ZC3HAV1L: variants seen among roughly 807,000 people sequenced by gnomAD.
ZC3HAV1L encodes ZC3HAV1 like, also known as zinc finger CCCH-type antiviral protein 1-like.
In ZC3HAV1L, 23 loss-of-function variants were observed where a neutral mutation model predicts 28.2. That is an observed-to-expected ratio of 0.82 (90% CI 0.59 to 1.16). The LOEUF is 1.16. Among genes scored for constraint, ZC3HAV1L ranks in the 50% most tolerant of loss-of-function variants. The pLI is 0.00. For synonymous variants in ZC3HAV1L, 180 were observed against 163.4 expected, an observed-to-expected ratio of 1.10 and a Z score of -0.78; for missense variants, 376 against 387.7, an observed-to-expected ratio of 0.97 and a Z score of 0.25.
Position 139,026,847 on chromosome 7 carries a change from AG to A in ZC3HAV1L, c.761-15del, listed in dbSNP as rs774728679. On this transcript the variant is annotated splice_polypyrimidine_tract_variant and intron_variant, in intron 3 of 4. Coordinates refer to ENST00000275766, the MANE Select transcript of ZC3HAV1L (RefSeq NM_080660.4). ...GTGATGAATTATCTACAAAGAGGAA[AG>A]GGATAAGTTTTCCTACGATACCCCA... is the stretch of plus-strand genomic sequence containing the variant. The A allele has an allele frequency of 1.9e-6, 3 of 1,598,324 alleles. No homozygotes were observed. The South Asian group carries it at 3.4e-5, about 18-fold the overall frequency.
At position 139,035,499 on chromosome 7, in the gene ZC3HAV1L, G is replaced by A. The variant is rs557031137; in HGVS notation, c.365+154C>T. The A allele has an allele frequency of 1.2e-3, 1,167 of 985,404 alleles. 12 individuals are homozygous for A. In the African/African-American group the frequency reaches 0.019, roughly 16 times the overall value. 61.0% of individuals were successfully genotyped at this position (985,404 alleles called of 1,614,324 possible). A position where few individuals can be genotyped will look rare whatever the true frequency, so the allele number is the denominator to read the frequency against. On this transcript the variant is annotated intron_variant, in intron 1 of 4. Transcript: ENST00000275766. ...CCCAGCTGCTGGAAGCGCGGGGGAG[G>A]ACGCCCAGGAAAGGCCTGCGGGAGG...
intron 2 of ZC3HAV1L, 122 bp downstream of exon 2, chr7:139,034,421 A>G (rs917504390): frequency 1.4e-6 from 2 of 1,443,768 alleles, no homozygotes; most frequent in Non-Finnish European, 1.9e-6. Context: ...CCTTTAAAGC[A>G]TTTGAAACTG....
At chr7:139,034,448 AG>A (rs10713373) in intron 2 of ZC3HAV1L, 94 bp downstream of exon 2, 824,480 of 1,525,794 alleles carry the variant, frequency 0.54, 227,642 homozygotes, top group African/African-American at 0.77. Context: ...GTTGCTTCGA[AG>A]GCAATTAAAA....
rs958790340 is a variant in ZC3HAV1L, at chr7:139,035,569, C to A, written c.365+84G>T. 78 of 1,341,428 alleles carry A rather than the reference C, an allele frequency of 5.8e-5. No homozygotes were observed. In the African/African-American group the frequency reaches 1.2e-3, roughly 21 times the overall value. The allele number at this position is 1,341,428 out of a possible 1,614,324, so 83.1% of individuals were successfully genotyped here. A position where few individuals can be genotyped will look rare whatever the true frequency, so the allele number is the denominator to read the frequency against. On this transcript the variant is annotated intron_variant, in intron 1 of 4. Coordinates refer to ENST00000275766, the MANE Select transcript of ZC3HAV1L (RefSeq NM_080660.4). The stretch of plus-strand genomic sequence containing the variant: ...CCCCGGCCCGGGGCAGGACGAAGCC[C>A]CCCTTCCCGTCGCTCCCGCTTCCAG...
rs978757903 is a variant in ZC3HAV1L at position 139,027,997 on chromosome 7, T to A, written c.760+705A>T. ...TTAACAAAGCCAAAAATTATATTTA[T>A]GACAAGAAAGCCATCCCTACATTAA... On this transcript the variant is annotated intron_variant, in intron 3 of 4. Coordinates refer to ENST00000275766, the MANE Select transcript of ZC3HAV1L (RefSeq NM_080660.4). Among the ~76,000 whole-genome samples the A allele has an allele frequency of 3.3e-5, 5 of 152,144 alleles. No individual in the cohort carries two copies. The East Asian group carries it at 9.6e-4, about 29-fold the overall frequency.
intron 2 of ZC3HAV1L, among the ~76,000 whole-genome samples, chr7:139,033,413 TGA>T (rs930198122): frequency 6.6e-6 from 1 of 152,192 alleles, no homozygotes; most frequent in African/African-American, 2.4e-5. Flanking sequence ...TCTTTTTTAT[TGA>T]GAGAGTGGTA....
chr7:139,029,052 G>T, intron 2 of ZC3HAV1L, 92 bp from the exon 3 acceptor site: 7 of 1,420,670 alleles, frequency 4.9e-6, no homozygotes, highest in Non-Finnish European at 6.6e-6. Context: ...ACCCAGGCTG[G>T]AGTACAGTGG....
intron 2 of ZC3HAV1L, among the ~76,000 whole-genome samples, chr7:139,031,323 G>A (rs1815525270): frequency 6.6e-6 from 1 of 152,170 alleles, no homozygotes; most frequent in African/African-American, 2.4e-5. Flanking sequence ...AGTGGCTCAT[G>A]CCTGTAATCC....
chr7:139,028,266 G>A lies in ZC3HAV1L; in HGVS notation c.760+436C>T, dbSNP rs543605289. Among the ~76,000 whole-genome samples the A allele has an allele frequency of 2.0e-4, 30 of 151,976 alleles. 1 individual carries two copies. The South Asian group carries it at 5.0e-3, about 25-fold the overall frequency. Reference sequence around the variant, plus strand: ...CGCATGCCTGTAGTCTCAGCTACTCGGGAGGCTGAGGCAGAAGAATCGCTT... The same window carrying A: ...CGCATGCCTGTAGTCTCAGCTACTCAGGAGGCTGAGGCAGAAGAATCGCTT... On this transcript the variant is annotated intron_variant, in intron 3 of 4. Transcript: ENST00000275766.
In ZC3HAV1L at chr7:139,028,949, G is replaced by C. The variant is rs1394266878; in HGVS notation, c.513C>G (p.Leu171=). The change falls in exon 3 of 5, where the codon CTC becomes CTG. Residue 171 remains leucine (L), a synonymous_variant. Transcript: ENST00000275766. Reference sequence around the variant, plus strand: ...CATACAGGGCTTCCCCTTTGTTGTAGAGCAAACAGACCTGGTACAGAAATG... The same window carrying C: ...CATACAGGGCTTCCCCTTTGTTGTACAGCAAACAGACCTGGTACAGAAATG... ...DPCLLPEVCL[L]YNKGEALYGY... is the part of the protein sequence containing the mutation. 6.2e-7 allele frequency: 1 copy of C among 1,613,536 alleles called. No homozygotes were observed. Among genetic ancestry groups the C allele is most frequent in the South Asian group, 1.1e-5 (1 of 91,036 alleles).
At chr7:139,028,078 T>C (rs1815407302) in intron 3 of ZC3HAV1L, among the ~76,000 whole-genome samples, 1 of 152,062 alleles carries the variant, frequency 6.6e-6, no homozygotes, top group African/African-American at 2.4e-5. Flanking sequence ...ACTATGCCAT[T>C]AAAACTGTTC....
chr7:139,033,355 A>G (rs1360401450), intron 2 of ZC3HAV1L, among the ~76,000 whole-genome samples: 1 of 152,212 alleles, frequency 6.6e-6, no homozygotes, highest in Non-Finnish European at 1.5e-5. Context: ...GTATTTTTCT[A>G]GAAATTTGTC....
At position 139,026,843 on chromosome 7, in the gene ZC3HAV1L, G is replaced by A; in HGVS notation, c.761-10C>T. On this transcript the variant is annotated splice_polypyrimidine_tract_variant and intron_variant, in intron 3 of 4. Coordinates refer to ENST00000275766, the MANE Select transcript of ZC3HAV1L (RefSeq NM_080660.4). ...GAAGGTGATGAATTATCTACAAAGA[G>A]GAAAGGGATAAGTTTTCCTACGATA... 1 of 1,603,050 alleles carries A rather than the reference G, an allele frequency of 6.2e-7. No individual in the cohort carries two copies.
downstream of ZC3HAV1L, among the ~76,000 whole-genome samples, chr7:139,024,923 C>G (rs1376871925): frequency 6.6e-6 from 1 of 152,076 alleles, no homozygotes; most frequent in Non-Finnish European, 1.5e-5. Context: ...TTGTGGTACC[C>G]CTTGATGAAA....
chr7:139,034,996 A>AACGTT lies in ZC3HAV1L; in HGVS notation c.366-323_366-319dup, dbSNP rs999066934. 20 of 985,304 alleles carry AACGTT rather than the reference A, an allele frequency of 2.0e-5. No homozygotes were observed. The Admixed American group carries it at 1.0e-3, about 52-fold the overall frequency. 61.0% of individuals were successfully genotyped at this position (985,304 alleles called of 1,614,324 possible). A position where few individuals can be genotyped will look rare whatever the true frequency, so the allele number is the denominator to read the frequency against. ...CCGGCAACAGCTGCCACAGTCCACC[A>AACGTT]ACGTTAAAAAGAAAGCGCCCCTATC... is the stretch of plus-strand genomic sequence containing the variant. On this transcript the variant is annotated intron_variant, in intron 1 of 4. Transcript: ENST00000275766.
intron 2 of ZC3HAV1L, among the ~76,000 whole-genome samples, chr7:139,032,037 G>A (rs1254460848): frequency 6.6e-6 from 1 of 152,140 alleles, no homozygotes; most frequent in Non-Finnish European, 1.5e-5. Context: ...ACCAGCCTGG[G>A]CAACATGGCA....
chr7:139,032,093 G>A (rs1425645970), intron 2 of ZC3HAV1L, among the ~76,000 whole-genome samples: 1 of 151,146 alleles, frequency 6.6e-6, no homozygotes, highest in East Asian at 2.0e-4. Context: ...GCGAGACCAT[G>A]TCTCTAAAAG....
At chr7:139,035,250 A>T (rs1472994374) in intron 1 of ZC3HAV1L, 4 of 985,226 alleles carry the variant, frequency 4.1e-6, no homozygotes, top group East Asian at 2.3e-4. Context: ...GATATGGGGG[A>T]GCAGCGATTT....
chr7:139,023,020 C>A (rs1275059418), downstream of ZC3HAV1L, among the ~76,000 whole-genome samples: 2 of 151,768 alleles, frequency 1.3e-5, no homozygotes, highest in Non-Finnish European at 2.9e-5. Flanking sequence ...ACTAAAAATA[C>A]AAAAATTAGC....
Sources: allele counts gnomAD v4.1 joint callset (sites outside exome capture counted in the v4.1 genomes callset), GRCh38; gene constraint gnomAD v4.1.1; transcripts MANE v1.5; gene names NCBI Gene and HGNC (gene_info 2026-07-23, HGNC 2026-07-21).